AKR1C4: variants seen among roughly 807,000 people sequenced by gnomAD.
AKR1C4 encodes the protein aldo-keto reductase family 1 member C4.
Under a neutral mutation model 41.0 loss-of-function variants are expected in AKR1C4, and 44 were observed. The observed-to-expected ratio is 1.07, with a 90% CI of 0.84 to 1.38. The LOEUF (loss-of-function observed/expected upper bound fraction) is 1.38, where lower values mean the gene tolerates loss of function less well. Ranked by LOEUF, AKR1C4 falls within the 40% of genes most tolerant of loss-of-function variation. The pLI, the probability that AKR1C4 is intolerant of heterozygous loss-of-function variation, is 0.00. For missense variants in AKR1C4, 438 were observed against 387.9 expected, an observed-to-expected ratio of 1.13 and a Z score of -1.09; for synonymous variants, 165 against 137.7, an observed-to-expected ratio of 1.20 and a Z score of -1.39.
Position 5,212,416 on chromosome 10 carries a change from G to C in AKR1C4, c.571-200G>C, listed in dbSNP as rs191717847. Among the ~76,000 whole-genome samples the C allele has an allele frequency of 6.0e-3, 909 of 152,268 alleles. 9 individuals carry two copies. The highest frequency in any genetic ancestry group is 0.01 in the Middle Eastern group (3 of 294). ...TGTTAGAAACTGGCTCTGGTTCATAGAGTTGCTAATGCTCAGAAATAACAT... is the reference window on the plus strand; with the variant it reads ...TGTTAGAAACTGGCTCTGGTTCATACAGTTGCTAATGCTCAGAAATAACAT... On this transcript the variant is annotated intron_variant, in intron 5 of 8. Coordinates refer to ENST00000263126, the MANE Select transcript of AKR1C4 (RefSeq NM_001818.5).
intron 3 of AKR1C4, chr10:5,204,762 G>T: frequency 2.0e-6 from 1 of 509,162 alleles, no homozygotes; most frequent in Non-Finnish European, 3.7e-6. Context: ...TCTTAATTAG[G>T]GTTCCTGAGT....
Position 5,216,766 on chromosome 10 carries a change from G to T in AKR1C4, c.902G>T (p.Arg301Ile), listed in dbSNP as rs782024904. ...EDMKVLDGLN[R>I]NYRYVVMDFL... ...ATGAAAGTTCTAGATGGTCTAAACA[G>T]AAATTATCGATATGTTGTCATGGAT... Residue 301 changes from arginine to isoleucine, a missense_variant, in exon 8 of 9, where the codon AGA becomes ATA. Physicochemically the swap from Arg to Ile is moderately conservative, Grantham distance 97. Transcript: ENST00000263126. 3.7e-6 allele frequency: 6 copies of T among 1,611,714 alleles called. No homozygotes were observed. In the South Asian group the frequency reaches 6.6e-5, roughly 18 times the overall value.
At chr10:5,200,092 C>T (rs997042710) in intron 1 of AKR1C4, 89 bp from the exon 2 acceptor site, 2 of 1,521,404 alleles carry the variant, frequency 1.3e-6, no homozygotes, top group South Asian at 2.6e-5. Flanking sequence ...ACCCCCACTG[C>T]ACACCCTGTG....
chr10:5,205,745 C>T lies in AKR1C4; in HGVS notation c.370-12C>T. The T allele has an allele frequency of 6.2e-7, 1 of 1,611,534 alleles. No individual in the cohort carries two copies. Among genetic ancestry groups the T allele is most frequent in the Non-Finnish European group, 8.5e-7 (1 of 1,178,442 alleles). On this transcript the variant is annotated splice_polypyrimidine_tract_variant and intron_variant, in intron 3 of 8. Coordinates refer to ENST00000263126, the MANE Select transcript of AKR1C4 (RefSeq NM_001818.5). ...TTAAATGGTGACACTAAAGTGACTGCTTCTACTTCAGCCAGGTGAGACGCC... is the reference window on the plus strand; with the variant it reads ...TTAAATGGTGACACTAAAGTGACTGTTTCTACTTCAGCCAGGTGAGACGCC...
chr10:5,201,094 T>C (rs1244124104), intron 2 of AKR1C4, among the ~76,000 whole-genome samples: 1 of 152,134 alleles, frequency 6.6e-6, no homozygotes, highest in South Asian at 2.1e-4. Context: ...TTTTTATATA[T>C]AATGACTTCT....
rs149369441 is a variant in AKR1C4 at position 5,198,949 on chromosome 10, G to A, written c.85-1232G>A. Among the ~76,000 whole-genome samples the A allele has an allele frequency of 4.7e-3, 716 of 151,774 alleles. 2 individuals are homozygous for A. Among genetic ancestry groups the A allele is most frequent in the Non-Finnish European group, 6.4e-3 (436 of 67,936 alleles). ...CCCAAGGTAAAGAAGGTGGGGGTGG[G>A]GGCAGATTTTGTAGTGAGCCAAGAT... On this transcript the variant is annotated intron_variant, in intron 1 of 8. Transcript: ENST00000263126.
chr10:5,218,593 A>G (rs1272506712), intron 8 of AKR1C4, 125 bp from the exon 9 acceptor site: 2 of 701,606 alleles, frequency 2.9e-6, no homozygotes, highest in African/African-American at 1.8e-5. Flanking sequence ...GACATTCTAC[A>G]AATAGTCCGA....
rs1832601491 is a variant in AKR1C4, at chr10:5,213,025, G to T, written c.712G>T (p.Asp238Tyr). Residue 238 changes from aspartate (D) to tyrosine (Y), a missense_variant, in exon 7 of 9, where the codon GAC (aspartate) becomes TAC (tyrosine). Asp to Tyr is a radical substitution (Grantham distance 160). Transcript: ENST00000263126. ...VDPNSPVLLE[D>Y]PVLCALAKKH... ...CCCAAACTCCCCAGTTCTTTTGGAG[G>T]ACCCAGTTCTTTGTGCCTTAGCAAA... The T allele has an allele frequency of 6.2e-7, 1 of 1,614,100 alleles. No individual in the cohort carries two copies. The highest frequency in any genetic ancestry group is 2.2e-5 in the East Asian group (1 of 44,858).
intron 1 of AKR1C4, among the ~76,000 whole-genome samples, chr10:5,199,554 G>T (rs922671709): frequency 6.6e-6 from 1 of 152,074 alleles, no homozygotes; most frequent in African/African-American, 2.4e-5. Context: ...GATCACATCG[G>T]CAGAGGAATA....
intron 8 of AKR1C4, 62 bp from the exon 9 acceptor site, chr10:5,218,656 G>A: frequency 7.3e-7 from 1 of 1,361,824 alleles, no homozygotes; most frequent in Non-Finnish European, 1.0e-6. Context: ...AATTCACTTT[G>A]CTACCAGCTT....
chr10:5,216,640 G>A (rs1832661599), intron 7 of AKR1C4, 71 bp from the exon 8 acceptor site: 6 of 1,129,884 alleles, frequency 5.3e-6, no homozygotes, highest in Non-Finnish European at 7.9e-6. Context: ...ACCCTACTGT[G>A]TGATATACTT....
chr10:5,200,851 T>G (rs1832390407), intron 2 of AKR1C4, among the ~76,000 whole-genome samples: 1 of 152,168 alleles, frequency 6.6e-6, no homozygotes, highest in Non-Finnish European at 1.5e-5. Context: ...TAAGTGAGAA[T>G]GTACAGTGTT....
At chr10:5,204,728 AC>A in intron 3 of AKR1C4, 1 of 630,968 alleles carries the variant, frequency 1.6e-6, no homozygotes, top group Non-Finnish European at 2.9e-6. Flanking sequence ...CAAGAAAATA[AC>A]AACAGCCACC....
rs781945929 is a variant in AKR1C4, at chr10:5,206,385, T to C, written c.558T>C (p.Pro186=). The C allele has an allele frequency of 6.2e-7, 1 of 1,614,124 alleles. No homozygotes were observed. Among genetic ancestry groups the C allele is most frequent in the Non-Finnish European group, 8.5e-7 (1 of 1,179,974 alleles). The change falls in exon 5 of 9, where the codon CCT becomes CCC. Residue 186 remains proline, a synonymous_variant. Transcript: ENST00000263126. ...ILNKPGLKYK[P]VCNQVECHPY... Reference sequence around the variant, plus strand: ...ACAAGCCAGGACTCAAGTACAAGCCTGTCTGCAACCAGGTGAGCACCCTCA... The same window carrying C: ...ACAAGCCAGGACTCAAGTACAAGCCCGTCTGCAACCAGGTGAGCACCCTCA...
chr10:5,199,702 C>G (rs1174316504), intron 1 of AKR1C4, among the ~76,000 whole-genome samples: 1 of 152,106 alleles, frequency 6.6e-6, no homozygotes, highest in Non-Finnish European at 1.5e-5. Flanking sequence ...CAGCCGGACT[C>G]TAGGGGAAAA....
chr10:5,206,249 A>G, intron 4 of AKR1C4, 26 bp from the exon 5 acceptor site: 1 of 1,613,876 alleles, frequency 6.2e-7, no homozygotes, highest in Non-Finnish European at 8.5e-7. Context: ...TGCACAAATA[A>G]TTCCTCACAA....
chr10:5,212,243 C>A (rs1370244039), intron 5 of AKR1C4, among the ~76,000 whole-genome samples: 1 of 152,150 alleles, frequency 6.6e-6, no homozygotes, highest in African/African-American at 2.4e-5. Context: ...TACTGGGATT[C>A]CTATAAAACT....
chr10:5,212,634 C>T lies in AKR1C4; in HGVS notation c.589C>T (p.Leu197Phe), dbSNP rs374849139. Residue 197 changes from leucine to phenylalanine, a missense_variant, in exon 6 of 9, where the codon CTC becomes TTC. Transcript: ENST00000263126. ...VCNQVECHPY[L>F]NQSKLLDFCK... Reference sequence around the variant, plus strand: ...TCTAAAGGTAGAATGTCATCCTTACCTCAACCAGAGCAAACTGCTGGATTT... The same window carrying T: ...TCTAAAGGTAGAATGTCATCCTTACTTCAACCAGAGCAAACTGCTGGATTT... 1 of 1,612,904 alleles carries T rather than the reference C, an allele frequency of 6.2e-7. No homozygotes were observed. The highest frequency in any genetic ancestry group is 8.5e-7 in the Non-Finnish European group (1 of 1,179,682).
At chr10:5,197,009 C>T in intron 1 of AKR1C4, 58 bp downstream of exon 1, 5 of 1,547,716 alleles carry the variant, frequency 3.2e-6, no homozygotes, top group East Asian at 4.5e-5. Context: ...AATAAGTGAA[C>T]GATGACCTGG....
Sources: gnomAD v4.1 joint callset for allele counts (sites outside exome capture counted in the v4.1 genomes callset) on GRCh38, gnomAD v4.1.1 for gene constraint, MANE v1.5 for transcripts, NCBI Gene and HGNC (gene_info 2026-07-23, HGNC 2026-07-21) for gene names.